Variants in MINDY3 observed in about 807,000 individuals in gnomAD.
MINDY3 encodes ubiquitin carboxyl-terminal hydrolase MINDY-3.
Under a neutral mutation model 69.2 loss-of-function variants are expected in MINDY3, and 38 were observed. The observed-to-expected ratio is 0.55, with a 90% CI of 0.42 to 0.72. MINDY3 has a LOEUF of 0.72. MINDY3 is among the 30% of genes least tolerant of loss of function. MINDY3 has a pLI of 0.00. For missense variants in MINDY3, 522 were observed against 519.0 expected (o/e 1.01, Z -0.06); for synonymous variants, 192 against 180.1 (o/e 1.07, Z -0.53).
At chr10:15,813,362 C>T (rs935052591) in intron 10 of MINDY3, among the ~76,000 whole-genome samples, 5 of 152,144 alleles carry the variant, frequency 3.3e-5, no homozygotes, top group Non-Finnish European at 7.4e-5. Context: ...GTAGAGAATG[C>T]TCTTTCCCCT....
At chr10:15,788,395 C>CAAAG (rs1409056572) in intron 12 of MINDY3, among the ~76,000 whole-genome samples, 1 of 152,042 alleles carries the variant, frequency 6.6e-6, no homozygotes, top group East Asian at 1.9e-4. Context: ...TGCATACTTT[C>CAAAG]AAAGAAAGTA....
At chr10:15,838,792 A>C (rs1833264128) in intron 4 of MINDY3, among the ~76,000 whole-genome samples, 1 of 151,774 alleles carries the variant, frequency 6.6e-6, no homozygotes, top group African/African-American at 2.4e-5. Flanking sequence ...TATAACTGTT[A>C]AAAAGTTTTC....
chr10:15,804,614 ATAGTGTT>A (rs1564475026), intron 10 of MINDY3, among the ~76,000 whole-genome samples: 1 of 152,156 alleles, frequency 6.6e-6, no homozygotes. Flanking sequence ...ACAACATATT[ATAGTGTT>A]TAAAGTCCCT....
chr10:15,802,555 G>A (rs1453225333), intron 10 of MINDY3, among the ~76,000 whole-genome samples: 1 of 152,060 alleles, frequency 6.6e-6, no homozygotes, highest in African/African-American at 2.4e-5. Flanking sequence ...CTTACTATGC[G>A]AGATGAGATC....
At chr10:15,794,215 T>C (rs1463014108) in intron 11 of MINDY3, among the ~76,000 whole-genome samples, 1 of 152,136 alleles carries the variant, frequency 6.6e-6, no homozygotes, top group Non-Finnish European at 1.5e-5. Flanking sequence ...AAATGGAAAC[T>C]GTATGTAAAT....
At chr10:15,812,064 C>A (rs922232016) in intron 10 of MINDY3, among the ~76,000 whole-genome samples, 1 of 152,082 alleles carries the variant, frequency 6.6e-6, no homozygotes, top group African/African-American at 2.4e-5. Context: ...GCCTCAGCCT[C>A]CTGAGTAGCT....
chr10:15,828,398 G>A (rs181627539), intron 8 of MINDY3, among the ~76,000 whole-genome samples: 6 of 152,250 alleles, frequency 3.9e-5, no homozygotes, highest in East Asian at 1.9e-4. Context: ...GTAGATGAGC[G>A]GATGCTAGGG....
At chr10:15,820,453 C>T (rs1339869805) in intron 9 of MINDY3, among the ~76,000 whole-genome samples, 23 of 152,190 alleles carry the variant, frequency 1.5e-4, no homozygotes. Flanking sequence ...CCACTTGCCC[C>T]ACCCCCCGCC....
intron 3 of MINDY3, 38 bp downstream of exon 3, chr10:15,843,174 G>T: frequency 6.5e-7 from 1 of 1,534,984 alleles, no homozygotes. Flanking sequence ...TATTAAAACA[G>T]AGGAGGAAGC....
rs200060239 is a variant in MINDY3, at chr10:15,786,652, C to T, written c.1029-4G>A. The T allele has an allele frequency of 2.2e-5, 33 of 1,522,646 alleles. No homozygotes were observed. In the Admixed American group the frequency reaches 2.3e-4, roughly 11 times the overall value. The allele number at this position is 1,522,646 out of a possible 1,614,324, so 94.3% of individuals were successfully genotyped here. A position where few individuals can be genotyped will look rare whatever the true frequency, so the allele number is the denominator to read the frequency against. On this transcript the variant is annotated splice_region_variant and splice_polypyrimidine_tract_variant and intron_variant, in intron 12 of 14. Transcript: ENST00000277632. ...TTTATTCTTCATGAGATTTATACTA[C>T]GGGGAGAAAGAAGAAAAACAGTGGA...
At chr10:15,800,845 A>G (rs920886604) in intron 10 of MINDY3, among the ~76,000 whole-genome samples, 1 of 152,182 alleles carries the variant, frequency 6.6e-6, no homozygotes, top group Non-Finnish European at 1.5e-5. Flanking sequence ...ACCTCCTTGT[A>G]CAAAAAATGC....
At chr10:15,780,373 A>G (rs1836428449) in intron 14 of MINDY3, among the ~76,000 whole-genome samples, 1 of 152,210 alleles carries the variant, frequency 6.6e-6, no homozygotes, top group South Asian at 2.1e-4. Context: ...TGACATTGAA[A>G]CTACAACTCG....
intron 1 of MINDY3, among the ~76,000 whole-genome samples, chr10:15,856,980 C>T (rs116802587): frequency 0.013 from 1,991 of 152,210 alleles, 32 homozygotes; most frequent in African/African-American, 0.042. Flanking sequence ...ACACAGCAGG[C>T]AGATCAGTCC....
At chr10:15,785,269 CAACA>C (rs1352305638) in intron 13 of MINDY3, among the ~76,000 whole-genome samples, 3 of 152,034 alleles carry the variant, frequency 2.0e-5, no homozygotes, top group African/African-American at 7.2e-5. Flanking sequence ...AACACAGAGG[CAACA>C]AACAGTACAA....
chr10:15,844,292 G>T (rs1833681462), intron 2 of MINDY3, among the ~76,000 whole-genome samples: 1 of 152,050 alleles, frequency 6.6e-6, no homozygotes, highest in Non-Finnish European at 1.5e-5. Context: ...TCCGCAAAAG[G>T]GCAACAACCA....
chr10:15,812,132 G>T (rs528011763), intron 10 of MINDY3, among the ~76,000 whole-genome samples: 6 of 152,064 alleles, frequency 3.9e-5, no homozygotes, highest in African/African-American at 7.2e-5. Context: ...AGTAGAGATG[G>T]GTTTTGCCAT....
At position 15,837,587 on chromosome 10, in the gene MINDY3, G is replaced by C. The variant is rs765443510; in HGVS notation, c.462-269C>G. ...CTCTTAGGTGAACTGTCTGGCATCA[G>C]TAAATTCTTCAATAATATACAGTTA... On this transcript the variant is annotated intron_variant, in intron 5 of 14. Transcript: ENST00000277632. The C allele has an allele frequency of 1.1e-4, 147 of 1,364,232 alleles. 1 individual carries two copies. The highest frequency in any genetic ancestry group is 7.8e-6 in the Non-Finnish European group (8 of 1,032,072). 84.5% of individuals were successfully genotyped at this position (1,364,232 alleles called of 1,614,324 possible). A position where few individuals can be genotyped will look rare whatever the true frequency, so the allele number is the denominator to read the frequency against.
At chr10:15,843,765 G>A (rs1346007536) in intron 2 of MINDY3, among the ~76,000 whole-genome samples, 2 of 152,062 alleles carry the variant, frequency 1.3e-5, no homozygotes, top group African/African-American at 4.8e-5. Flanking sequence ...AAAGGTACAA[G>A]ATTCAGAAGA....
intron 6 of MINDY3, among the ~76,000 whole-genome samples, chr10:15,835,360 T>C (rs1451121806): frequency 1.3e-5 from 2 of 152,082 alleles, no homozygotes; most frequent in Non-Finnish European, 2.9e-5. Context: ...ATTGTTTCTA[T>C]CATATTAGAG....
Sources: gnomAD v4.1 joint callset for allele counts (sites outside exome capture counted in the v4.1 genomes callset) on GRCh38, gnomAD v4.1.1 for gene constraint, MANE v1.5 for transcripts, NCBI Gene and HGNC (gene_info 2026-07-23, HGNC 2026-07-21) for gene names.